The following GALNT17 variants were observed in gnomAD, a reference collection of about 807,000 sequenced individuals.
GALNT17 encodes the protein polypeptide N-acetylgalactosaminyltransferase 17, also known as UDP-GalNAc:polypeptide N-acetylgalactosaminyltransferase-like 3.
In GALNT17, 29 loss-of-function variants were observed where a neutral mutation model predicts 63.7. That is an observed-to-expected ratio of 0.46 (90% CI 0.34 to 0.62). The LOEUF (loss-of-function observed/expected upper bound fraction) is 0.62, where lower values mean the gene tolerates loss of function less well. GALNT17 is among the 20% of genes least tolerant of loss of function. The pLI is 0.01. For synonymous variants in GALNT17, 305 were observed against 318.3 expected (o/e 0.96, Z 0.45); for missense variants, 603 against 799.6 (o/e 0.75, Z 2.97).
intron 5 of GALNT17, among the ~76,000 whole-genome samples, chr7:71,565,136 G>A (rs1378087712): frequency 6.6e-6 from 1 of 152,040 alleles, no homozygotes; most frequent in Non-Finnish European, 1.5e-5. Flanking sequence ...GCATGGTGCT[G>A]GGTGCCTGTA....
intron 5 of GALNT17, among the ~76,000 whole-genome samples, chr7:71,457,627 T>A (rs757666199): frequency 7.2e-5 from 11 of 152,194 alleles, no homozygotes; most frequent in Non-Finnish European, 1.6e-4. Flanking sequence ...ATAGGGTAAT[T>A]TGCTGTCATT....
At chr7:71,436,853 T>G (rs930030308) in intron 5 of GALNT17, among the ~76,000 whole-genome samples, 3 of 152,204 alleles carry the variant, frequency 2.0e-5, no homozygotes, top group Non-Finnish European at 2.9e-5. Context: ...GATGGTCTAA[T>G]GGAAGGCATA....
chr7:71,598,885 G>T (rs1455829986), intron 6 of GALNT17, among the ~76,000 whole-genome samples: 1 of 151,970 alleles, frequency 6.6e-6, no homozygotes, highest in Non-Finnish European at 1.5e-5. Context: ...GTGGTGGGTG[G>T]TGGGGGTGGT....
rs192705019 is a variant in GALNT17, at chr7:71,479,623, T to C, written c.962+58518T>C. 4.7e-4 allele frequency among the ~76,000 whole-genome samples: 72 copies of C among 152,254 alleles called. 1 individual carries two copies. In the East Asian group the frequency reaches 0.012, roughly 26 times the overall value. On this transcript the variant is annotated intron_variant, in intron 5 of 10. Transcript: ENST00000333538. ...GTGCTGGAACTCATTCATTTGCATATAGAAAGATGTTTAAACCTCTGTAGA... is the reference window on the plus strand; with the variant it reads ...GTGCTGGAACTCATTCATTTGCATACAGAAAGATGTTTAAACCTCTGTAGA...
chr7:71,153,338 T>A (rs1443270653), intron 1 of GALNT17, among the ~76,000 whole-genome samples: 2 of 152,190 alleles, frequency 1.3e-5, no homozygotes, highest in African/African-American at 2.4e-5. Flanking sequence ...ATGAATGATG[T>A]TATTGACATC....
intron 2 of GALNT17, among the ~76,000 whole-genome samples, chr7:71,350,004 T>C (rs1407564330): frequency 1.3e-5 from 2 of 152,258 alleles, no homozygotes; most frequent in Non-Finnish European, 2.9e-5. Flanking sequence ...AACATAATTC[T>C]AAATAAATAT....
intron 1 of GALNT17, among the ~76,000 whole-genome samples, chr7:71,251,961 C>G (rs527822884): frequency 6.6e-6 from 1 of 152,242 alleles, no homozygotes; most frequent in African/African-American, 2.4e-5. Flanking sequence ...ACTACCTGGG[C>G]ATGTGTAAAC....
chr7:71,164,730 T>G (rs1267598902), intron 1 of GALNT17, among the ~76,000 whole-genome samples: 1 of 152,198 alleles, frequency 6.6e-6, no homozygotes, highest in Admixed American at 6.5e-5. Context: ...GGTACTTATT[T>G]TATCCTGCTG....
chr7:71,538,570 A>C (rs1053966034), intron 5 of GALNT17, among the ~76,000 whole-genome samples: 1 of 152,212 alleles, frequency 6.6e-6, no homozygotes, highest in South Asian at 2.1e-4. Flanking sequence ...GTGCCTGCGA[A>C]AGATCTTTCA....
At chr7:71,174,700 GA>G (rs895331606) in intron 1 of GALNT17, among the ~76,000 whole-genome samples, 1 of 152,152 alleles carries the variant, frequency 6.6e-6, no homozygotes, top group African/African-American at 2.4e-5. Flanking sequence ...AAGGGTGGGG[GA>G]GATTACAAAG....
At chr7:71,206,877 G>A (rs1562914872) in intron 1 of GALNT17, among the ~76,000 whole-genome samples, 2 of 151,950 alleles carry the variant, frequency 1.3e-5, no homozygotes, top group Non-Finnish European at 1.5e-5. Context: ...AGGCCAAGAC[G>A]GGCGGATCAC....
At chr7:71,576,122 G>A (rs1050862679) in intron 6 of GALNT17, among the ~76,000 whole-genome samples, 2 of 152,106 alleles carry the variant, frequency 1.3e-5, no homozygotes, top group African/African-American at 2.4e-5. Context: ...GTCCATTTAC[G>A]AAGAAAAGGC....
At chr7:71,496,492 A>G (rs910070507) in intron 5 of GALNT17, among the ~76,000 whole-genome samples, 7 of 152,154 alleles carry the variant, frequency 4.6e-5, no homozygotes, top group African/African-American at 1.4e-4. Context: ...CAAAATGAGG[A>G]CAGAGACCCC....
At chr7:71,497,286 A>G (rs10248381) in intron 5 of GALNT17, among the ~76,000 whole-genome samples, 152,262 of 152,286 alleles carry the variant, frequency 1, 76,119 homozygotes, top group Non-Finnish European at 1. Flanking sequence ...AGCATAGATT[A>G]AGTGGTTTAA....
At chr7:71,659,807 A>G (rs1156560913) in intron 6 of GALNT17, among the ~76,000 whole-genome samples, 1 of 152,200 alleles carries the variant, frequency 6.6e-6, no homozygotes, top group Non-Finnish European at 1.5e-5. Context: ...TCACAAGGTC[A>G]TTGCAACTGT....
chr7:71,306,017 G>A (rs1401607747), intron 1 of GALNT17, among the ~76,000 whole-genome samples: 1 of 152,086 alleles, frequency 6.6e-6, no homozygotes, highest in Admixed American at 6.5e-5. Flanking sequence ...TCAGGGGCTC[G>A]AGACCAGCCT....
At chr7:71,696,890 G>T (rs1316817464) in intron 9 of GALNT17, among the ~76,000 whole-genome samples, 1 of 152,100 alleles carries the variant, frequency 6.6e-6, no homozygotes, top group East Asian at 1.9e-4. Context: ...TGGGTATAAT[G>T]CTGCTAAAAA....
Position 71,594,310 on chromosome 7 carries a change from G to A in GALNT17, c.1080+22908G>A, listed in dbSNP as rs527802610. ...CAGGATTATTTATTTATTTTTTTAA[G>A]ACAGAGTCTCGCTCTGTCACCCAGG... On this transcript the variant is annotated intron_variant, in intron 6 of 10. Transcript: ENST00000333538. 3.1e-3 allele frequency among the ~76,000 whole-genome samples: 474 copies of A among 152,096 alleles called. 3 individuals carry two copies. Among genetic ancestry groups the A allele is most frequent in the Middle Eastern group, 0.017 (5 of 294 alleles).
chr7:71,176,551 C>T (rs1585859339), intron 1 of GALNT17, among the ~76,000 whole-genome samples: 1 of 151,978 alleles, frequency 6.6e-6, no homozygotes, highest in South Asian at 2.1e-4. Flanking sequence ...GATTTGGGGT[C>T]CCATTGATTT....
Sources: gnomAD v4.1 joint callset for allele counts (sites outside exome capture counted in the v4.1 genomes callset) on GRCh38, gnomAD v4.1.1 for gene constraint, MANE v1.5 for transcripts, NCBI Gene and HGNC (gene_info 2026-07-23, HGNC 2026-07-21) for gene names.